The following COL27A1 variants were observed in gnomAD, a reference collection of about 807,000 sequenced individuals.
COL27A1 encodes collagen alpha-1(XXVII) chain.
Under a neutral mutation model 251.3 loss-of-function variants are expected in COL27A1, and 106 were observed. The ratio of observed to expected loss-of-function variants is 0.42; its 90% CI spans 0.36 to 0.50. The LOEUF is 0.50. COL27A1 is among the 20% of genes least tolerant of loss of function. The pLI, the probability that COL27A1 is intolerant of heterozygous loss-of-function variation, is 0.00. For missense variants in COL27A1, 2,325 were observed against 2,522.8 expected, an observed-to-expected ratio of 0.92 and a Z score of 1.68; for synonymous variants, 1,000 against 986.3, an observed-to-expected ratio of 1.01 and a Z score of -0.26.
At chr9:114,295,561 GA>G (rs1208832532) in intron 49 of COL27A1, among the ~76,000 whole-genome samples, 1 of 152,204 alleles carries the variant, frequency 6.6e-6, no homozygotes, top group Non-Finnish European at 1.5e-5. Context: ...CAGTCATCAC[GA>G]AACTGTGGTA....
At chr9:114,234,319 T>C (rs1832197222) in intron 16 of COL27A1, among the ~76,000 whole-genome samples, 1 of 152,180 alleles carries the variant, frequency 6.6e-6, no homozygotes, top group Non-Finnish European at 1.5e-5. Context: ...AAATTTTTTT[T>C]TTAATTCTGA....
chr9:114,178,553 G>T (rs1424928186), intron 4 of COL27A1, among the ~76,000 whole-genome samples: 4 of 152,178 alleles, frequency 2.6e-5, no homozygotes, highest in Admixed American at 6.5e-5. Context: ...ATGACCTCTT[G>T]TAGGTCTCAG....
At position 114,168,105 on chromosome 9, in the gene COL27A1, C is replaced by T; in HGVS notation, c.550C>T (p.Pro184Ser). The change falls in exon 3 of 61, where the codon CCT (proline) becomes TCT (serine). Residue 184 changes from proline (P) to serine (S), a missense_variant. This residue lies in a region of COL27A1 where 1,183 missense variants were observed against 1,144.1 expected (regional missense o/e 1.03). Coordinates refer to ENST00000356083, the MANE Select transcript of COL27A1 (RefSeq NM_032888.4). ...CGQRRVPVLL[P>S]FHRDPALDPG... ...GCAGCGCCGGGTGCCTGTCCTGCTG[C>T]CTTTCCACAGGGACCCTGCACTCGA... 1 of 1,612,338 alleles carries T rather than the reference C, an allele frequency of 6.2e-7. No individual in the cohort carries two copies. The highest frequency in any genetic ancestry group is 8.5e-7 in the Non-Finnish European group (1 of 1,180,028).
intron 16 of COL27A1, 138 bp from the exon 17 acceptor site, chr9:114,235,461 T>G: frequency 6.6e-6 from 5 of 758,924 alleles, no homozygotes; most frequent in Non-Finnish European, 1.2e-5. Context: ...CGTCCTTTCC[T>G]CTCACAAGGC....
intron 20 of COL27A1, 26 bp from the exon 21 acceptor site, chr9:114,240,408 C>T (rs2135475069): frequency 1.9e-6 from 3 of 1,612,640 alleles, no homozygotes; most frequent in Non-Finnish European, 1.7e-6. Flanking sequence ...GCCTCTGAGA[C>T]TCCCTTTTTG....
At chr9:114,192,003 T>C (rs1828782847) in intron 5 of COL27A1, among the ~76,000 whole-genome samples, 1 of 152,212 alleles carries the variant, frequency 6.6e-6, no homozygotes, top group South Asian at 2.1e-4. Context: ...TGGCATTCCC[T>C]GTCTTCTGTT....
At chr9:114,284,171 G>T (rs2131598152) in intron 40 of COL27A1, among the ~76,000 whole-genome samples, 1 of 152,304 alleles carries the variant, frequency 6.6e-6, no homozygotes, top group South Asian at 2.1e-4. Context: ...ACTCAGAAGG[G>T]GAAACCAGGG....
intron 13 of COL27A1, 71 bp downstream of exon 13, chr9:114,219,915 C>G: frequency 8.5e-7 from 1 of 1,174,112 alleles, no homozygotes; most frequent in Non-Finnish European, 1.3e-6. Context: ...TAGGAGCCCA[C>G]GCTTTAGGGT....
intron 50 of COL27A1, 87 bp downstream of exon 50, chr9:114,300,210 A>G (rs1828523305): frequency 2.2e-6 from 3 of 1,372,266 alleles, no homozygotes; most frequent in Non-Finnish European, 3.1e-6. Context: ...ATATTTATGG[A>G]GCACTGAAAA....
At chr9:114,206,753 A>G (rs1363077507) in intron 10 of COL27A1, among the ~76,000 whole-genome samples, 2 of 152,120 alleles carry the variant, frequency 1.3e-5, no homozygotes, top group Admixed American at 6.5e-5. Flanking sequence ...GAGTTTCCAG[A>G]TCTCCCCTTC....
At chr9:114,173,195 C>T (rs1348582064) in intron 3 of COL27A1, among the ~76,000 whole-genome samples, 4 of 149,422 alleles carry the variant, frequency 2.7e-5, no homozygotes, top group Non-Finnish European at 5.9e-5. Context: ...AGAAGCTGCA[C>T]AGAAGCCCCA....
chr9:114,286,433 T>C (rs983287606), intron 41 of COL27A1, among the ~76,000 whole-genome samples: 5 of 152,132 alleles, frequency 3.3e-5, no homozygotes, highest in African/African-American at 4.8e-5. Context: ...ATCTGTCCGA[T>C]GCCAGACCCT....
At chr9:114,162,166 T>C (rs1181918820) in intron 1 of COL27A1, among the ~76,000 whole-genome samples, 1 of 152,198 alleles carries the variant, frequency 6.6e-6, no homozygotes, top group Non-Finnish European at 1.5e-5. Context: ...ACAGCACTGG[T>C]TCTGGTTAAG....
At chr9:114,207,793 C>T (rs1830065910) in intron 10 of COL27A1, among the ~76,000 whole-genome samples, 1 of 152,242 alleles carries the variant, frequency 6.6e-6, no homozygotes, top group African/African-American at 2.4e-5. Context: ...GGGCAAGTCA[C>T]TGGGCCTCTC....
At chr9:114,160,256 G>C (rs1000452116) in intron 1 of COL27A1, among the ~76,000 whole-genome samples, 10 of 151,460 alleles carry the variant, frequency 6.6e-5, no homozygotes, top group Non-Finnish European at 1.0e-4. Flanking sequence ...CTGGGTTCAC[G>C]CCATTCTCCT....
intron 50 of COL27A1, 48 bp downstream of exon 50, chr9:114,300,171 C>G (rs370585451): frequency 1.3e-6 from 2 of 1,537,710 alleles, no homozygotes; most frequent in South Asian, 2.3e-5. Flanking sequence ...CATCCATTCA[C>G]CCCATTCATT....
chr9:114,286,114 G>C (rs1827463171), intron 41 of COL27A1, among the ~76,000 whole-genome samples: 1 of 152,196 alleles, frequency 6.6e-6, no homozygotes, highest in South Asian at 2.1e-4. Flanking sequence ...GTGTGTTCCA[G>C]GCCCTGAGCT....
chr9:114,239,950 G>C (rs550513419), intron 19 of COL27A1, among the ~76,000 whole-genome samples: 1 of 152,238 alleles, frequency 6.6e-6, no homozygotes, highest in South Asian at 2.1e-4. Context: ...GAGAAATAAC[G>C]ACCTTGAGTG....
At chr9:114,307,869 C>T in intron 59 of COL27A1, 91 bp downstream of exon 59, 1 of 835,030 alleles carries the variant, frequency 1.2e-6, no homozygotes, top group East Asian at 2.5e-5. Context: ...CTGTTCTGAG[C>T]TGTGCCTGTC....
Sources: allele counts gnomAD v4.1 joint callset (sites outside exome capture counted in the v4.1 genomes callset), GRCh38; gene constraint gnomAD v4.1.1; regional missense constraint gnomAD v4.1.1; transcripts MANE v1.5; gene names NCBI Gene and HGNC (gene_info 2026-07-23, HGNC 2026-07-21).